MREG: variants seen among roughly 807,000 people sequenced by gnomAD.
MREG encodes the protein melanoregulin.
A neutral mutation model predicts 28.5 loss-of-function variants in MREG; 31 were observed. The ratio of observed to expected loss-of-function variants is 1.09; its 90% CI spans 0.82 to 1.47. The LOEUF is 1.47. MREG is among the 40% of genes most tolerant of loss of function. The pLI is 0.00. For synonymous variants in MREG, 106 were observed against 95.2 expected (o/e 1.11, Z -0.66); for missense variants, 256 against 257.4 (o/e 0.99, Z 0.04).
chr2:216,015,369 A>G (rs1287283013), upstream of MREG, among the ~76,000 whole-genome samples: 1 of 152,148 alleles, frequency 6.6e-6, no homozygotes, highest in African/African-American at 2.4e-5. Context: ...GCAAAACCCC[A>G]GAGGAGGGAG....
At chr2:215,960,329 C>A (rs541009421) in intron 2 of MREG, among the ~76,000 whole-genome samples, 2 of 152,128 alleles carry the variant, frequency 1.3e-5, no homozygotes, top group Non-Finnish European at 2.9e-5. Context: ...CCACAAGAAC[C>A]GGGATTCGCC....
chr2:215,991,133 A>T (rs1245647851), intron 2 of MREG, among the ~76,000 whole-genome samples: 1 of 152,246 alleles, frequency 6.6e-6, no homozygotes, highest in East Asian at 1.9e-4. Flanking sequence ...AAAATTGACC[A>T]CATAATTGGA....
intron 2 of MREG, among the ~76,000 whole-genome samples, chr2:215,954,366 T>G (rs954650832): frequency 5.9e-5 from 9 of 151,774 alleles, no homozygotes; most frequent in Non-Finnish European, 1.3e-4. Context: ...TTGTCTTTCT[T>G]GGATGGTGAA....
intron 2 of MREG, among the ~76,000 whole-genome samples, chr2:215,963,111 G>C (rs551353394): frequency 1.3e-5 from 2 of 152,198 alleles, no homozygotes; most frequent in South Asian, 4.2e-4. Flanking sequence ...CTGGGTGACA[G>C]AGCGAGACCC....
chr2:215,997,435 T>C (rs1254119603), intron 1 of MREG, among the ~76,000 whole-genome samples: 2 of 152,204 alleles, frequency 1.3e-5, no homozygotes, highest in East Asian at 1.9e-4. Context: ...TAACCCCCAG[T>C]TGACTTCTGT....
chr2:215,956,284 G>T (rs1282698539), intron 2 of MREG, among the ~76,000 whole-genome samples: 1 of 152,118 alleles, frequency 6.6e-6, no homozygotes, highest in Non-Finnish European at 1.5e-5. Context: ...GTTAATATAT[G>T]TAAAGAGATA....
At chr2:215,956,136 C>A (rs531216455) in intron 2 of MREG, among the ~76,000 whole-genome samples, 1 of 152,014 alleles carries the variant, frequency 6.6e-6, no homozygotes, top group South Asian at 2.1e-4. Context: ...ACTTTTAGGT[C>A]GAAAAAAATC....
chr2:215,994,493 T>C (rs527323470), intron 2 of MREG, among the ~76,000 whole-genome samples: 1 of 151,548 alleles, frequency 6.6e-6, no homozygotes, highest in Non-Finnish European at 1.5e-5. Flanking sequence ...CAAACCACCA[T>C]GGCACGTGTA....
chr2:215,966,601 C>CT (rs1052642780), intron 2 of MREG, among the ~76,000 whole-genome samples: 5,183 of 136,638 alleles, frequency 0.038, 142 homozygotes, highest in African/African-American at 0.06. Context: ...AACATTTTCC[C>CT]TTTTTTTTTT....
At chr2:216,004,480 G>T (rs1013899174) in intron 1 of MREG, among the ~76,000 whole-genome samples, 3 of 151,406 alleles carry the variant, frequency 2.0e-5, no homozygotes, top group Non-Finnish European at 2.9e-5. Flanking sequence ...GGAGGCGGAG[G>T]TTGCAGTGAG....
In MREG at chr2:215,979,394, C is replaced by T. The variant is rs192150949; in HGVS notation, c.255+16912G>A. 1.6e-3 allele frequency among the ~76,000 whole-genome samples: 241 copies of T among 150,542 alleles called. 2 individuals carry two copies. Among genetic ancestry groups the T allele is most frequent in the African/African-American group, 5.6e-3 (227 of 40,798 alleles). ...AGAAGAATCACTTGAACCCGGGAGG[C>T]GGAGATTGCAGTGAGCCGAGATCGC... is the stretch of plus-strand genomic sequence containing the variant. On this transcript the variant is annotated intron_variant, in intron 2 of 4. Transcript: ENST00000263268.
chr2:215,945,816 C>T (rs368940127), intron 3 of MREG, 82 bp from the exon 4 acceptor site: 20 of 1,206,054 alleles, frequency 1.7e-5, no homozygotes, highest in African/African-American at 1.4e-4. Flanking sequence ...CAGGAGATTA[C>T]GAACAGACCC....
chr2:215,951,476 T>C (rs1692483221), intron 2 of MREG, among the ~76,000 whole-genome samples: 2 of 152,246 alleles, frequency 1.3e-5, no homozygotes, highest in South Asian at 4.1e-4. Context: ...TAAAGTCTTA[T>C]TTTCTAAAGT....
chr2:215,974,309 A>G (rs992131286), intron 2 of MREG, among the ~76,000 whole-genome samples: 1 of 152,192 alleles, frequency 6.6e-6, no homozygotes, highest in African/African-American at 2.4e-5. Flanking sequence ...TTTCCAGAAC[A>G]CTGGATTTAA....
At chr2:215,952,026 C>T (rs1177244836) in intron 2 of MREG, among the ~76,000 whole-genome samples, 1 of 152,194 alleles carries the variant, frequency 6.6e-6, no homozygotes, top group Non-Finnish European at 1.5e-5. Context: ...GTAATTGTCT[C>T]TCTGCGCTTG....
chr2:216,000,860 A>G (rs1693997861), intron 1 of MREG, among the ~76,000 whole-genome samples: 1 of 152,164 alleles, frequency 6.6e-6, no homozygotes, highest in African/African-American at 2.4e-5. Flanking sequence ...AAATCAGTAA[A>G]AATAACGTTA....
intron 1 of MREG, among the ~76,000 whole-genome samples, chr2:216,000,848 A>G (rs1463284994): frequency 6.6e-6 from 1 of 152,236 alleles, no homozygotes; most frequent in Non-Finnish European, 1.5e-5. Flanking sequence ...TATGTACCTG[A>G]AAAATCAGTA....
intron 1 of MREG, among the ~76,000 whole-genome samples, chr2:216,029,938 G>A (rs1193036894): frequency 6.6e-6 from 1 of 152,206 alleles, no homozygotes; most frequent in African/African-American, 2.4e-5. Flanking sequence ...CTTATGGCCT[G>A]TGGTCGGTGC....
At chr2:215,982,115 G>A (rs1452823794) in intron 2 of MREG, among the ~76,000 whole-genome samples, 1 of 152,168 alleles carries the variant, frequency 6.6e-6, no homozygotes, top group Non-Finnish European at 1.5e-5. Context: ...GAGGTCAGGA[G>A]TTCAAGACCA....
Sources: allele counts gnomAD v4.1 joint callset (sites outside exome capture counted in the v4.1 genomes callset), GRCh38; gene constraint gnomAD v4.1.1; transcripts MANE v1.5; gene names NCBI Gene and HGNC (gene_info 2026-07-23, HGNC 2026-07-21).